Variants in ANKRD52 observed in about 807,000 individuals in gnomAD.
ANKRD52 encodes serine/threonine-protein phosphatase 6 regulatory ankyrin repeat subunit C.
A neutral mutation model predicts 116.0 loss-of-function variants in ANKRD52; 7 were observed. The observed-to-expected ratio is 0.06, with a 90% CI of 0.03 to 0.11. The LOEUF is 0.11. ANKRD52 is among the 10% of genes least tolerant of loss of function. The probability of loss-of-function intolerance (pLI) is 1.00; values close to 1 mark genes in which losing one functional copy is unlikely to be tolerated. For missense variants in ANKRD52, 839 were observed against 1,408.6 expected, an observed-to-expected ratio of 0.60 and a Z score of 6.47; for synonymous variants, 528 against 578.1, an observed-to-expected ratio of 0.91 and a Z score of 1.24.
intron 4 of ANKRD52, 30 bp from the exon 5 acceptor site, chr12:56,256,014 G>A: frequency 6.5e-7 from 1 of 1,539,888 alleles, no homozygotes; most frequent in Non-Finnish European, 8.8e-7. Flanking sequence ...AAAAGAGAGA[G>A]TGGGAGCAGG....
Position 56,245,158 on chromosome 12 carries a change from G to A in ANKRD52, c.2437C>T (p.His813Tyr), listed in dbSNP as rs199849831. ...CCTTCCAGGTACGAAAACGGGCTGT[G>A]TTCAAGTAACAACTCCAGACAATCT... ...HEDCLELLLE[H>Y]SPFSYLEGNP... The change falls in exon 22 of 28, where the codon CAC (histidine) becomes TAC (tyrosine). Residue 813 changes from histidine to tyrosine, a missense_variant. Around this residue, in one of 2 missense-constraint regions of ANKRD52, gnomAD observed 552 missense variants for 810.6 expected, o/e 0.68. Transcript: ENST00000267116. 1.7e-5 allele frequency: 27 copies of A among 1,613,778 alleles called. No homozygotes were observed. The African/African-American group carries it at 2.9e-4, about 18-fold the overall frequency.
chr12:56,249,728 A>AC (rs1871593614), intron 15 of ANKRD52, among the ~76,000 whole-genome samples: 1 of 152,200 alleles, frequency 6.6e-6, no homozygotes, highest in Admixed American at 6.5e-5. Flanking sequence ...ACATGGCGAA[A>AC]CCCTGTTTCT....
At position 56,243,583 on chromosome 12, in the gene ANKRD52, T is replaced by C. The variant is rs1384035012; in HGVS notation, c.2981-191A>G. On this transcript the variant is annotated intron_variant, in intron 27 of 27. Transcript: ENST00000267116. This position sits in a 1 kb window ranked among gnomAD's most constrained non-coding sequence, Gnocchi z 4.6. The stretch of plus-strand genomic sequence containing the variant: ...CTAAGTACGGGTTAAAGGGCGGGCA[T>C]GGGAGTCAAAGCCTAGGGTGTGGAG... Among the ~76,000 whole-genome samples the C allele has an allele frequency of 2.0e-5, 3 of 152,162 alleles. No homozygotes were observed. Among genetic ancestry groups the C allele is most frequent in the African/African-American group, 7.2e-5 (3 of 41,436 alleles).
At chr12:56,257,169 G>A in intron 3 of ANKRD52, 84 bp from the exon 4 acceptor site, 1 of 1,556,152 alleles carries the variant, frequency 6.4e-7, no homozygotes, top group South Asian at 1.2e-5. Context: ...AAATCTGAAT[G>A]GAGCTGGAGC....
At position 56,255,826 on chromosome 12, in the gene ANKRD52, C is replaced by T. The variant is rs752108721; in HGVS notation, c.420G>A (p.Gly140=). The T allele has an allele frequency of 1.9e-6, 3 of 1,583,248 alleles. No individual in the cohort carries two copies. Among genetic ancestry groups the T allele is most frequent in the Non-Finnish European group, 2.6e-6 (3 of 1,164,990 alleles). The change falls in exon 5 of 28, where the codon GGG becomes GGA. Residue 140 remains glycine, a synonymous_variant. Coordinates refer to ENST00000267116, the MANE Select transcript of ANKRD52 (RefSeq NM_173595.4). The surrounding 1 kb of genome is among the most constrained non-coding windows in gnomAD (Gnocchi z 4.3). Reference sequence around the variant, plus strand: ...GCACTGCATGGTGCAGAGCACTGCGCCCGCTCCTGTCAGCCACGTTGAGGC... The same window carrying T: ...GCACTGCATGGTGCAGAGCACTGCGTCCGCTCCTGTCAGCCACGTTGAGGC... The part of the protein sequence containing the change: ...LSSLNVADRS[G]RSALHHAVHS...
rs2135875281 is a variant in ANKRD52 at position 56,242,255 on chromosome 12, C to T, written c.*887G>A. 5.0e-6 allele frequency: 2 copies of T among 398,454 alleles called. No individual in the cohort carries two copies. The highest frequency in any genetic ancestry group is 1.3e-4 in the South Asian group (1 of 7,768). 24.7% of individuals were successfully genotyped at this position (398,454 alleles called of 1,614,324 possible). A position where few individuals can be genotyped will look rare whatever the true frequency, so the allele number is the denominator to read the frequency against. ...TGGGCAGGAAATTAATTTGTTTCTT[C>T]CCCTAAAGGATAAAACGCTTACTTA... On this transcript the variant is annotated 3_prime_UTR_variant, in exon 28 of 28. Transcript: ENST00000267116. This position sits in a 1 kb window ranked among gnomAD's most constrained non-coding sequence, Gnocchi z 4.3.
chr12:56,256,908 G>A, intron 4 of ANKRD52, 107 bp downstream of exon 4: 1 of 1,234,364 alleles, frequency 8.1e-7, no homozygotes, highest in Non-Finnish European at 1.1e-6. Context: ...TCACTACCTG[G>A]GGTAGAACAG....
At chr12:56,247,993 G>A (rs918055789) in intron 18 of ANKRD52, 30 bp downstream of exon 18, 3 of 1,560,724 alleles carry the variant, frequency 1.9e-6, no homozygotes, top group Non-Finnish European at 2.6e-6. Context: ...CATGGCAAGG[G>A]TAGGGCAGCA....
At position 56,253,723 on chromosome 12, in the gene ANKRD52, A is replaced by G; in HGVS notation, c.984T>C (p.Asn328=). 6.2e-7 allele frequency: 1 copy of G among 1,613,700 alleles called. No homozygotes were observed. The highest frequency in any genetic ancestry group is 8.5e-7 in the Non-Finnish European group (1 of 1,179,694). The part of the protein sequence containing the change: ...RFTRSQILIQ[N]GSEIDCADKF... ...GCACAAAGTCTCCCAGGTCCATACC[A>G]TTCTGGATGAGGATCTGGGAGCGTG... is the stretch of plus-strand genomic sequence containing the variant. Residue 328 remains asparagine (N), a splice_region_variant and synonymous_variant, in exon 9 of 28, where the codon AAT becomes AAC. Transcript: ENST00000267116. This position sits in a 1 kb window ranked among gnomAD's most constrained non-coding sequence, Gnocchi z 5.5.
At chr12:56,251,434 C>T (rs980666155) in intron 15 of ANKRD52, among the ~76,000 whole-genome samples, 8 of 151,854 alleles carry the variant, frequency 5.3e-5, no homozygotes, top group African/African-American at 1.5e-4. Context: ...TTAGTAGAGA[C>T]GGGGTTTCAC....
In ANKRD52 at chr12:56,239,612, C is replaced by CA. The variant is rs1467299556; in HGVS notation, c.*3529dup. The CA allele has an allele frequency of 2.6e-5, 4 of 152,270 alleles. No individual in the cohort carries two copies. Among genetic ancestry groups the CA allele is most frequent in the African/African-American group, 9.7e-5 (4 of 41,438 alleles). 9.4% of individuals were successfully genotyped at this position (152,270 alleles called of 1,614,324 possible). A position where few individuals can be genotyped will look rare whatever the true frequency, so the allele number is the denominator to read the frequency against. ...CTGGAGTCATTTAGACAAAAACACTCATGTGCATAAGATACACAGTGCGCA... is the reference window on the plus strand; with the variant it reads ...CTGGAGTCATTTAGACAAAAACACTCAATGTGCATAAGATACACAGTGCGCA... On this transcript the variant is annotated 3_prime_UTR_variant, in exon 28 of 28. Coordinates refer to ENST00000267116, the MANE Select transcript of ANKRD52 (RefSeq NM_173595.4).
rs777085738 is a variant in ANKRD52, at chr12:56,248,119, G to A, written c.1882C>T (p.Arg628Cys). Residue 628 changes from arginine (R) to cysteine (C), a missense_variant, in exon 18 of 28, where the codon CGC becomes TGC. Coordinates refer to ENST00000267116, the MANE Select transcript of ANKRD52 (RefSeq NM_173595.4). The surrounding 1 kb of genome is among the most constrained non-coding windows in gnomAD (Gnocchi z 5.1). The stretch of plus-strand genomic sequence containing the variant: ...ACCTCCACACACTCAGTAGAGCCGC[G>A]CTCCGTGGCCAGGAAGAGTGCGGTC... ...GRTALFLATE[R>C]GSTECVEVLT... The A allele has an allele frequency of 4.3e-6, 7 of 1,613,738 alleles. No homozygotes were observed. The highest frequency in any genetic ancestry group is 1.1e-5 in the South Asian group (1 of 91,086).
In ANKRD52 at chr12:56,255,193, CTTT is replaced by C. The variant is rs201426928; in HGVS notation, c.463-244_463-242del. ...CAGGTGATCTGGTGGTTCTTAAACT[CTTT>C]TTTTTTTTTTTTTTGAGACAGTCTC... is the stretch of plus-strand genomic sequence containing the variant. On this transcript the variant is annotated intron_variant, in intron 5 of 27. Coordinates refer to ENST00000267116, the MANE Select transcript of ANKRD52 (RefSeq NM_173595.4). This position sits in a 1 kb window ranked among gnomAD's most constrained non-coding sequence, Gnocchi z 4.3. 8.9e-3 allele frequency: 2,254 copies of C among 252,328 alleles called. No homozygotes were observed. The highest frequency in any genetic ancestry group is 0.015 in the South Asian group (185 of 11,986). The allele number at this position is 252,328 out of a possible 1,614,324, so 15.6% of individuals were successfully genotyped here. A position where few individuals can be genotyped will look rare whatever the true frequency, so the allele number is the denominator to read the frequency against.
rs773895937 is a variant in ANKRD52 at position 56,257,811 on chromosome 12, C to G, written c.111+17G>C. 6 of 1,612,702 alleles carry G rather than the reference C, an allele frequency of 3.7e-6. No individual in the cohort carries two copies. Among genetic ancestry groups the G allele is most frequent in the Admixed American group, 1.7e-5 (1 of 59,888 alleles). On this transcript the variant is annotated intron_variant, in intron 2 of 27. Coordinates refer to ENST00000267116, the MANE Select transcript of ANKRD52 (RefSeq NM_173595.4). ...GCCAGGATTCCGGTCTCGCCATCCT[C>G]CCTGCTCCCAACTCACCAGCACATT... is the stretch of plus-strand genomic sequence containing the variant.
rs577047984 is a variant in ANKRD52, at chr12:56,239,657, G to C, written c.*3485C>G. ...TGCGCAAACTCAGCCCTGCCAGCCC[G>C]GCCCCAATCCCACCTCTCAGGACTC... On this transcript the variant is annotated 3_prime_UTR_variant, in exon 28 of 28. Coordinates refer to ENST00000267116, the MANE Select transcript of ANKRD52 (RefSeq NM_173595.4). 1 of 152,412 alleles carries C rather than the reference G, an allele frequency of 6.6e-6. No homozygotes were observed. The highest frequency in any genetic ancestry group is 2.4e-5 in the African/African-American group (1 of 41,526). The allele number at this position is 152,412 out of a possible 1,614,324, so 9.4% of individuals were successfully genotyped here. A position where few individuals can be genotyped will look rare whatever the true frequency, so the allele number is the denominator to read the frequency against.
rs1259582207 is a variant in ANKRD52, at chr12:56,247,531, C to T, written c.2146G>A (p.Ala716Thr). The change falls in exon 20 of 28, where the codon GCT (alanine) becomes ACT (threonine). Residue 716 changes from alanine (A) to threonine (T), a missense_variant. Around this residue, in one of 2 missense-constraint regions of ANKRD52, gnomAD observed 552 missense variants for 810.6 expected, o/e 0.68. Coordinates refer to ENST00000267116, the MANE Select transcript of ANKRD52 (RefSeq NM_173595.4). ...LLLEKGSTAD[A>T]ADLRGRTALH... is the part of the protein sequence containing the mutation. ...GCAGTGCGGCCCCGGAGGTCAGCAGCATCAGCTGTGGATCCTTTCTCTAGC... is the reference window on the plus strand; with the variant it reads ...GCAGTGCGGCCCCGGAGGTCAGCAGTATCAGCTGTGGATCCTTTCTCTAGC... 5.0e-6 allele frequency: 8 copies of T among 1,594,282 alleles called. No homozygotes were observed. The highest frequency in any genetic ancestry group is 1.1e-5 in the South Asian group (1 of 87,656).
rs1871291721 is a variant in ANKRD52, at chr12:56,244,230, CCCAA to C, written c.2806-101_2806-98del. 6.5e-7 allele frequency: 1 copy of C among 1,531,844 alleles called. No individual in the cohort carries two copies. The highest frequency in any genetic ancestry group is 9.0e-7 in the Non-Finnish European group (1 of 1,108,522). 94.9% of individuals were successfully genotyped at this position (1,531,844 alleles called of 1,614,324 possible). A position where few individuals can be genotyped will look rare whatever the true frequency, so the allele number is the denominator to read the frequency against. On this transcript the variant is annotated intron_variant, in intron 25 of 27. Transcript: ENST00000267116. This position sits in a 1 kb window ranked among gnomAD's most constrained non-coding sequence, Gnocchi z 4.9. ...AGAGTAACAGGAGGACAAACAGCTGCCCAACCAGTCGGATAGGCTGGACAATCCT... is the reference window on the plus strand; with the variant it reads ...AGAGTAACAGGAGGACAAACAGCTGCCCAGTCGGATAGGCTGGACAATCCT...
intron 20 of ANKRD52, 73 bp downstream of exon 20, chr12:56,247,420 C>A: frequency 8.0e-7 from 1 of 1,249,212 alleles, no homozygotes; most frequent in Non-Finnish European, 1.1e-6. Context: ...AATTGGATTC[C>A]CTACTGCTGG....
In ANKRD52 at chr12:56,253,960, C is replaced by A; in HGVS notation, c.906+107G>T. On this transcript the variant is annotated intron_variant, in intron 8 of 27. Coordinates refer to ENST00000267116, the MANE Select transcript of ANKRD52 (RefSeq NM_173595.4). This position sits in a 1 kb window ranked among gnomAD's most constrained non-coding sequence, Gnocchi z 5.5. ...TGAGTCCCTGGCAAGGTCTGATTAC[C>A]CTAGGAAGCAAGTGGATAATTCCCC... 2 of 1,377,604 alleles carry A rather than the reference C, an allele frequency of 1.5e-6. No individual in the cohort carries two copies. The highest frequency in any genetic ancestry group is 2.4e-5 in the East Asian group (1 of 41,978). The allele number at this position is 1,377,604 out of a possible 1,614,324, so 85.3% of individuals were successfully genotyped here. A position where few individuals can be genotyped will look rare whatever the true frequency, so the allele number is the denominator to read the frequency against.
Sources: gnomAD v4.1 joint callset for allele counts (sites outside exome capture counted in the v4.1 genomes callset) on GRCh38, gnomAD v4.1.1 for gene constraint, gnomAD v4.1.1 regional missense constraint, Gnocchi (gnomAD v3.1) non-coding constraint, MANE v1.5 for transcripts, NCBI Gene and HGNC (gene_info 2026-07-23, HGNC 2026-07-21) for gene names.